The following BLM variants were observed in gnomAD, a reference collection of about 807,000 sequenced individuals.
BLM encodes the protein recQ-like DNA helicase BLM.
In BLM, 95 loss-of-function variants were observed where a neutral mutation model predicts 135.3. The ratio of observed to expected loss-of-function variants is 0.70; its 90% CI spans 0.59 to 0.83. The LOEUF (loss-of-function observed/expected upper bound fraction) is 0.83, where lower values mean the gene tolerates loss of function less well. BLM is among the 40% of genes least tolerant of loss of function. The probability of loss-of-function intolerance (pLI) is 0.00; values close to 1 mark genes in which losing one functional copy is unlikely to be tolerated. For synonymous variants in BLM, 520 were observed against 589.2 expected (o/e 0.88, Z 1.70); for missense variants, 1,518 against 1,663.9 (o/e 0.91, Z 1.53).
rs28385150 is a variant in BLM at position 90,808,967 on chromosome 15, C to T, written c.3752-170C>T. 35,116 of 834,502 alleles carry T rather than the reference C, an allele frequency of 0.042. 903 individuals carry two copies. Among genetic ancestry groups the T allele is most frequent in the Non-Finnish European group, 0.052 (26,455 of 509,942 alleles). The allele number at this position is 834,502 out of a possible 1,614,324, so 51.7% of individuals were successfully genotyped here. On this transcript the variant is annotated intron_variant, in intron 19 of 21. Transcript: ENST00000355112. ...GTGGGTTCCTGCCCTCTGTGCCTGT[C>T]TGCTGCCTCTGAGGTGCTAACTTTG...
chr15:90,790,304 C>G, intron 14 of BLM: 1 of 350,592 alleles, frequency 2.9e-6, no homozygotes, highest in Non-Finnish European at 5.5e-6. Context: ...GTGTGAGCAA[C>G]ACCCCCCACA....
chr15:90,803,482 G>T, intron 17 of BLM, 39 bp from the exon 18 acceptor site: 3 of 1,571,030 alleles, frequency 1.9e-6, no homozygotes, highest in Non-Finnish European at 2.6e-6. Context: ...GATGATATAC[G>T]TACATTTACT....
chr15:90,761,164 A>G lies in BLM; in HGVS notation c.1791A>G (p.Ser597=), dbSNP rs1895976551. 1 of 1,530,870 alleles carries G rather than the reference A, an allele frequency of 6.5e-7. No individual in the cohort carries two copies. Among genetic ancestry groups the G allele is most frequent in the Admixed American group, 2.2e-5 (1 of 44,814 alleles). The allele number at this position is 1,530,870 out of a possible 1,614,324, so 94.8% of individuals were successfully genotyped here. Reference sequence around the variant, plus strand: ...AAGGTCGGCCAATTAAATCAGTATCAGAAAGACTTTCCTCAGCCAAGACAG... The same window carrying G: ...AAGGTCGGCCAATTAAATCAGTATCGGAAAGACTTTCCTCAGCCAAGACAG... ...IKEGRPIKSV[S]ERLSSAKTDC... The change falls in exon 7 of 22, where the codon TCA becomes TCG. Residue 597 remains serine, a synonymous_variant. Coordinates refer to ENST00000355112, the MANE Select transcript of BLM (RefSeq NM_000057.4).
chr15:90,794,043 A>G (rs1896968212), intron 15 of BLM, 124 bp from the exon 16 acceptor site: 1 of 614,588 alleles, frequency 1.6e-6, no homozygotes, highest in Non-Finnish European at 2.7e-6. Flanking sequence ...CATGTTGACA[A>G]TGCTGTTAAC....
rs79896903 is a variant in BLM, at chr15:90,800,293, T to C, written c.3358+1956T>C. On this transcript the variant is annotated intron_variant, in intron 17 of 21. Coordinates refer to ENST00000355112, the MANE Select transcript of BLM (RefSeq NM_000057.4). The stretch of plus-strand genomic sequence containing the variant: ...AAAGAAAGTGAGCACAGGTCGTGAT[T>C]TGATAAGTGGTGGAACCCACCCATG... 1.0e-3 allele frequency among the ~76,000 whole-genome samples: 158 copies of C among 152,282 alleles called. 1 individual carries two copies. The highest frequency in any genetic ancestry group is 3.5e-3 in the African/African-American group (144 of 41,576).
intron 19 of BLM, among the ~76,000 whole-genome samples, chr15:90,805,255 CCCTATGTAT>C (rs911242395): frequency 1.1e-4 from 14 of 124,270 alleles, no homozygotes; most frequent in Non-Finnish European, 1.8e-4. Context: ...TATAATGGTA[CCCTATGTAT>C]GTTATATATG....
In BLM at chr15:90,747,789, T is replaced by C. The variant is rs1329491114; in HGVS notation, c.98+299T>C. ...AAGTGTTTTTTAAGTTTTGGGGGGTTTTTTTGTTTGTTTTGTTTTGTTTTG... is the reference window on the plus strand; with the variant it reads ...AAGTGTTTTTTAAGTTTTGGGGGGTCTTTTTGTTTGTTTTGTTTTGTTTTG... On this transcript the variant is annotated intron_variant, in intron 2 of 21. Transcript: ENST00000355112. 2.1e-5 allele frequency: 7 copies of C among 338,494 alleles called. No homozygotes were observed. The East Asian group carries it at 4.5e-4, about 22-fold the overall frequency. The allele number at this position is 338,494 out of a possible 1,614,324, so 21.0% of individuals were successfully genotyped here.
chr15:90,785,049 C>A lies in BLM; in HGVS notation c.2791C>A (p.Gln931Lys), dbSNP rs1471344734. 6.2e-7 allele frequency: 1 copy of A among 1,614,100 alleles called. No homozygotes were observed. The highest frequency in any genetic ancestry group is 1.7e-5 in the Admixed American group (1 of 60,018). Residue 931 changes from glutamine (Q) to lysine (K), a missense_variant, in exon 14 of 22, where the codon CAG becomes AAG. Gln to Lys is a moderately conservative substitution (Grantham distance 53, BLOSUM62 1). Transcript: ENST00000355112. ...GLSDSARDEV[Q>K]QKWINQDGCQ... is the part of the protein sequence containing the mutation. ...CAGTGATTCTGCCAGAGATGAAGTG[C>A]AGCAGAAGTGGATTAATCAGGATGG...
chr15:90,718,021 A>G (rs1404228284), intron 1 of BLM, among the ~76,000 whole-genome samples: 3 of 152,186 alleles, frequency 2.0e-5, no homozygotes, highest in African/African-American at 7.2e-5. Context: ...CTCTGTGTCT[A>G]CTGCACGTTA....
chr15:90,734,417 C>T lies in BLM; in HGVS notation c.-4-12972C>T, dbSNP rs188388145. On this transcript the variant is annotated intron_variant, in intron 1 of 21. Transcript: ENST00000355112. Reference sequence around the variant, plus strand: ...ATTCTCCTGCCTCAGCCTCCCAAGTCGCTGGGATTACAGGCGCCCACCACC... The same window carrying T: ...ATTCTCCTGCCTCAGCCTCCCAAGTTGCTGGGATTACAGGCGCCCACCACC... Among the ~76,000 whole-genome samples the T allele has an allele frequency of 1.1e-4, 17 of 151,468 alleles. No individual in the cohort carries two copies. The East Asian group carries it at 2.5e-3, about 22-fold the overall frequency.
At chr15:90,796,575 C>T (rs2151188961) in intron 16 of BLM, among the ~76,000 whole-genome samples, 1 of 152,328 alleles carries the variant, frequency 6.6e-6, no homozygotes, top group East Asian at 1.9e-4. Context: ...AGGCATCCAG[C>T]TCCTGGGCCA....
intron 2 of BLM, among the ~76,000 whole-genome samples, chr15:90,748,578 G>T (rs1156361091): frequency 6.6e-6 from 1 of 152,084 alleles, no homozygotes; most frequent in Non-Finnish European, 1.5e-5. Flanking sequence ...TGTTCTGGGT[G>T]CCTGGCTTTG....
chr15:90,754,698 T>C (rs1895769390), intron 4 of BLM, 113 bp from the exon 5 acceptor site: 9 of 1,197,522 alleles, frequency 7.5e-6, no homozygotes, highest in Non-Finnish European at 1.0e-5. Context: ...CTACTTCTCT[T>C]TTCTGTTATA....
At chr15:90,788,881 G>C (rs960052740) in intron 14 of BLM, among the ~76,000 whole-genome samples, 4 of 151,208 alleles carry the variant, frequency 2.6e-5, no homozygotes, top group African/African-American at 9.7e-5. Context: ...TCTGAGGCAG[G>C]AGAATAGCTT....
chr15:90,722,024 C>T (rs1039646342), intron 1 of BLM, among the ~76,000 whole-genome samples: 6 of 152,062 alleles, frequency 3.9e-5, no homozygotes, highest in African/African-American at 1.4e-4. Flanking sequence ...GTGGCTCACG[C>T]CTGTAATCCC....
intron 2 of BLM, among the ~76,000 whole-genome samples, chr15:90,748,075 G>A (rs1259247481): frequency 6.6e-6 from 1 of 150,796 alleles, no homozygotes; most frequent in Non-Finnish European, 1.5e-5. Flanking sequence ...CAAAGTGCTG[G>A]GATTACATGC....
At chr15:90,801,271 G>C (rs1897160422) in intron 17 of BLM, among the ~76,000 whole-genome samples, 1 of 152,100 alleles carries the variant, frequency 6.6e-6, no homozygotes, top group Admixed American at 6.6e-5. Flanking sequence ...GTTCCAATTA[G>C]GGAAGGAAAT....
Position 90,793,238 on chromosome 15 carries a change from C to T in BLM, c.3020-929C>T, listed in dbSNP as rs535232588. ...ACAACCTCCACCTCCTGGGTTCAAGCGATTCTCAGCCTCAGCCTCCCGACT... is the reference window on the plus strand; with the variant it reads ...ACAACCTCCACCTCCTGGGTTCAAGTGATTCTCAGCCTCAGCCTCCCGACT... On this transcript the variant is annotated intron_variant, in intron 15 of 21. Coordinates refer to ENST00000355112, the MANE Select transcript of BLM (RefSeq NM_000057.4). Among the ~76,000 whole-genome samples the T allele has an allele frequency of 3.4e-4, 49 of 144,894 alleles. 1 individual carries two copies. The highest frequency in any genetic ancestry group is 1.1e-3 in the African/African-American group (42 of 38,824).
chr15:90,794,982 A>G (rs1896996297), intron 16 of BLM, among the ~76,000 whole-genome samples: 1 of 152,124 alleles, frequency 6.6e-6, no homozygotes. Context: ...GTCATTAGGT[A>G]CTTATTTTAC....
Sources: allele counts gnomAD v4.1 joint callset (sites outside exome capture counted in the v4.1 genomes callset), GRCh38; gene constraint gnomAD v4.1.1; transcripts MANE v1.5; gene names NCBI Gene and HGNC (gene_info 2026-07-23, HGNC 2026-07-21).